ABTB2: variants seen among roughly 807,000 people sequenced by gnomAD.
The protein encoded by ABTB2 is ankyrin repeat and BTB domain containing 2.
A neutral mutation model predicts 104.1 loss-of-function variants in ABTB2; 56 were observed. The observed-to-expected ratio is 0.54, with a 90% CI of 0.43 to 0.67. The LOEUF (loss-of-function observed/expected upper bound fraction) is 0.67, where lower values mean the gene tolerates loss of function less well. Ranked by LOEUF, ABTB2 falls within the 30% of genes least tolerant of loss-of-function variation. ABTB2 has a pLI of 0.00. For synonymous variants in ABTB2, 606 were observed against 608.2 expected (o/e 1.00, Z 0.05); for missense variants, 1,279 against 1,407.7 (o/e 0.91, Z 1.46).
intron 1 of ABTB2, among the ~76,000 whole-genome samples, chr11:34,295,517 G>A (rs771367552): frequency 6.6e-6 from 1 of 152,190 alleles, no homozygotes; most frequent in Non-Finnish European, 1.5e-5. Context: ...AGGCTTTTAA[G>A]GTTTCAGAGA....
chr11:34,164,107 A>T (rs72910822), intron 9 of ABTB2, among the ~76,000 whole-genome samples: 8 of 150,834 alleles, frequency 5.3e-5, no homozygotes, highest in East Asian at 3.9e-4. Context: ...AGCCCTGCTT[A>T]TCCAGCCCCG....
intron 1 of ABTB2, among the ~76,000 whole-genome samples, chr11:34,299,344 A>G (rs1019483450): frequency 9.2e-5 from 14 of 152,212 alleles, no homozygotes; most frequent in African/African-American, 3.4e-4. Context: ...TGAAATCCAA[A>G]TTGATGGTTT....
rs1023779992 is a variant in ABTB2 at position 34,162,868 on chromosome 11, T to C, written c.1989-63A>G. The stretch of plus-strand genomic sequence containing the variant: ...TCCCACAGGCAGTGCCCACCTGAGC[T>C]GTCCCCCAGTGCCCTCCTGCCCCGA... On this transcript the variant is annotated intron_variant, in intron 9 of 16. Coordinates refer to ENST00000435224, the MANE Select transcript of ABTB2 (RefSeq NM_145804.3). 11 of 1,457,384 alleles carry C rather than the reference T, an allele frequency of 7.5e-6. No individual in the cohort carries two copies. The African/African-American group carries it at 1.3e-4, about 17-fold the overall frequency. 90.3% of individuals were successfully genotyped at this position (1,457,384 alleles called of 1,614,324 possible). A position where few individuals can be genotyped will look rare whatever the true frequency, so the allele number is the denominator to read the frequency against.
chr11:34,182,116 G>A (rs1316688811), intron 3 of ABTB2, among the ~76,000 whole-genome samples: 1 of 152,310 alleles, frequency 6.6e-6, no homozygotes, highest in Non-Finnish European at 1.5e-5. Context: ...GGAAGGTCAG[G>A]GCTGGCTCTG....
Position 34,271,755 on chromosome 11 carries a change from A to ATACG in ABTB2, c.884-67066_884-67065insCGTA, listed in dbSNP as rs199936494. Among the ~76,000 whole-genome samples, 129 of 119,746 alleles carry ATACG rather than the reference A, an allele frequency of 1.1e-3. No individual in the cohort carries two copies. In the East Asian group the frequency reaches 0.022, roughly 20 times the overall value. The allele number at this position is 119,746 out of a possible 152,430, so 78.6% of individuals were successfully genotyped here. A position where few individuals can be genotyped will look rare whatever the true frequency, so the allele number is the denominator to read the frequency against. ...CTCAAATACATACATACATACATAC[A>ATACG]TACATACATACATACATACATACAT... On this transcript the variant is annotated intron_variant, in intron 1 of 16. Coordinates refer to ENST00000435224, the MANE Select transcript of ABTB2 (RefSeq NM_145804.3).
intron 1 of ABTB2, among the ~76,000 whole-genome samples, chr11:34,329,369 C>A (rs150253432): frequency 6.6e-6 from 1 of 152,192 alleles, no homozygotes. Context: ...CATCCCACTT[C>A]CCACTCCACC....
At chr11:34,266,664 C>G (rs558669171) in intron 1 of ABTB2, among the ~76,000 whole-genome samples, 2 of 152,284 alleles carry the variant, frequency 1.3e-5, no homozygotes, top group Admixed American at 6.5e-5. Context: ...ACAGAACATT[C>G]ATTTATTTTT....
At position 34,357,163 on chromosome 11, in the gene ABTB2, G is replaced by C. The variant is rs1162345400; in HGVS notation, c.421C>G (p.Arg141Gly). 6.7e-7 allele frequency: 1 copy of C among 1,494,188 alleles called. No homozygotes were observed. The highest frequency in any genetic ancestry group is 1.3e-5 in the South Asian group (1 of 77,932). The allele number at this position is 1,494,188 out of a possible 1,614,324, so 92.6% of individuals were successfully genotyped here. ...LLRRALIRVAREAQRLSVLHA... is the reference protein window; with the variant it reads ...LLRRALIRVAGEAQRLSVLHA... The stretch of plus-strand genomic sequence containing the variant: ...AGCACGCTCAGGCGCTGCGCCTCGC[G>C]GGCCACGCGGATCAGTGCCCTGCGG... The change falls in exon 1 of 17, where the codon CGC becomes GGC. Residue 141 changes from arginine (R) to glycine (G), a missense_variant. Coordinates refer to ENST00000435224, the MANE Select transcript of ABTB2 (RefSeq NM_145804.3).
chr11:34,152,507 A>G lies in ABTB2; in HGVS notation c.2958T>C (p.Asp986=), dbSNP rs1301938071. ...GGCCGTAGATGAGCTGCCGGAAGGC[A>G]TCCTGCTCCAGTAGGGCCTTCATGT... ...LKHMKALLEQ[D]AFRQLIYGRS... The change falls in exon 17 of 17, where the codon GAT becomes GAC. Residue 986 remains aspartate (D), a synonymous_variant. Coordinates refer to ENST00000435224, the MANE Select transcript of ABTB2 (RefSeq NM_145804.3). The G allele has an allele frequency of 6.2e-7, 1 of 1,611,038 alleles. No individual in the cohort carries two copies. Among genetic ancestry groups the G allele is most frequent in the Non-Finnish European group, 8.5e-7 (1 of 1,179,262 alleles).
In ABTB2 at chr11:34,356,865, T is replaced by G. The variant is rs1255650452; in HGVS notation, c.719A>C (p.Glu240Ala). 3 of 1,605,740 alleles carry G rather than the reference T, an allele frequency of 1.9e-6. No homozygotes were observed. The highest frequency in any genetic ancestry group is 2.6e-6 in the Non-Finnish European group (3 of 1,176,378). ...SLTACMENLV[E>A]EIRARVMASH... Reference sequence around the variant, plus strand: ...GGCCATCACCCTGGCCCGGATCTCCTCCACCAGGTTCTCCATGCAGGCGGT... The same window carrying G: ...GGCCATCACCCTGGCCCGGATCTCCGCCACCAGGTTCTCCATGCAGGCGGT... Residue 240 changes from glutamate (E) to alanine (A), a missense_variant, in exon 1 of 17, where the codon GAG becomes GCG. Physicochemically the swap from Glu to Ala is moderately radical, Grantham distance 107. Transcript: ENST00000435224. This position sits in a 1 kb window ranked among gnomAD's most constrained non-coding sequence, Gnocchi z 4.6.
chr11:34,353,177 C>A (rs1290000106), intron 1 of ABTB2, among the ~76,000 whole-genome samples: 3 of 152,224 alleles, frequency 2.0e-5, no homozygotes, highest in Admixed American at 1.3e-4. Flanking sequence ...TCCTTTTGTA[C>A]ACCCTGGATA....
chr11:34,191,164 G>T (rs1477172822), intron 3 of ABTB2, among the ~76,000 whole-genome samples: 1 of 152,164 alleles, frequency 6.6e-6, no homozygotes, highest in African/African-American at 2.4e-5. Context: ...AGCTACTTGG[G>T]AGGCTGAGGT....
rs1381142881 is a variant in ABTB2, at chr11:34,151,248, T to C, written c.*1139A>G. ...AGTTTTTAAGGTGCGGCCAGACAGC[T>C]GAAGAAGTTGCACCCAGACAGACTG... On this transcript the variant is annotated 3_prime_UTR_variant, in exon 17 of 17. Coordinates refer to ENST00000435224, the MANE Select transcript of ABTB2 (RefSeq NM_145804.3). The C allele has an allele frequency of 6.6e-6, 1 of 152,276 alleles. No homozygotes were observed. Among genetic ancestry groups the C allele is most frequent in the Non-Finnish European group, 1.5e-5 (1 of 68,020 alleles). 9.4% of individuals were successfully genotyped at this position (152,276 alleles called of 1,614,324 possible). A position where few individuals can be genotyped will look rare whatever the true frequency, so the allele number is the denominator to read the frequency against.
intron 1 of ABTB2, among the ~76,000 whole-genome samples, chr11:34,226,204 T>TAAAAAAAA (rs34915007): frequency 1.3e-5 from 1 of 79,594 alleles, no homozygotes; most frequent in African/African-American, 5.0e-5. Context: ...GAGAGTCCAT[T>TAAAAAAAA]AAAAAAAAAA....
rs1855481408 is a variant in ABTB2, at chr11:34,357,398, G to C, written c.186C>G (p.Asn62Lys). 1 of 1,546,278 alleles carries C rather than the reference G, an allele frequency of 6.5e-7. No homozygotes were observed. The highest frequency in any genetic ancestry group is 8.7e-7 in the Non-Finnish European group (1 of 1,144,348). ...AAWWCYSGSM[N>K]SRHNSWDTVN... The stretch of plus-strand genomic sequence containing the variant: ...CCGTGTCCCAGCTGTTGTGGCGGCT[G>C]TTCATGGAGCCGGAGTAGCACCACC... Residue 62 changes from asparagine to lysine, a missense_variant, in exon 1 of 17, where the codon AAC (asparagine) becomes AAG (lysine). By Grantham distance (94) the Asn-to-Lys change is moderately conservative. Transcript: ENST00000435224.
At chr11:34,314,172 C>A (rs1854894941) in intron 1 of ABTB2, among the ~76,000 whole-genome samples, 1 of 152,160 alleles carries the variant, frequency 6.6e-6, no homozygotes, top group Admixed American at 6.6e-5. Flanking sequence ...ATCCAGCACC[C>A]CAAAACCCTC....
In ABTB2 at chr11:34,165,316, A is replaced by G. The variant is rs1427013775; in HGVS notation, c.1796T>C (p.Val599Ala). Residue 599 changes from valine to alanine, a missense_variant, in exon 8 of 17, where the codon GTG becomes GCG. Physicochemically the swap from Val to Ala is moderately conservative, Grantham distance 64. Transcript: ENST00000435224. ...CGCATAGCTGTCCTCGCCGCCGTTC[A>G]CTGCCGAGCCCTCGACATGGGCACC... ...DAGAHVEGSA[V>A]NGGEDSYAET... 3 of 1,583,722 alleles carry G rather than the reference A, an allele frequency of 1.9e-6. No homozygotes were observed. Among genetic ancestry groups the G allele is most frequent in the East Asian group, 2.3e-5 (1 of 42,732 alleles).
intron 3 of ABTB2, among the ~76,000 whole-genome samples, chr11:34,190,810 C>G (rs1853165114): frequency 6.6e-6 from 1 of 152,060 alleles, no homozygotes; most frequent in African/African-American, 2.4e-5. Flanking sequence ...GTCATGCTAC[C>G]TCAATAAAGA....
intron 1 of ABTB2, chr11:34,335,621 G>A (rs1051938284): frequency 8.0e-6 from 12 of 1,504,500 alleles, no homozygotes; most frequent in African/African-American, 2.8e-5. Flanking sequence ...TGTTCAACAG[G>A]TGCATCATTA....
Sources: gnomAD v4.1 joint callset for allele counts (sites outside exome capture counted in the v4.1 genomes callset) on GRCh38, gnomAD v4.1.1 for gene constraint, Gnocchi (gnomAD v3.1) non-coding constraint, MANE v1.5 for transcripts, NCBI Gene and HGNC (gene_info 2026-07-23, HGNC 2026-07-21) for gene names.